Variants in BABAM2 observed in about 807,000 individuals in gnomAD.
The protein encoded by BABAM2 is BRISC and BRCA1-A complex member 2.
A neutral mutation model predicts 54.7 loss-of-function variants in BABAM2; 31 were observed. The observed-to-expected ratio is 0.57, with a 90% CI of 0.43 to 0.77. BABAM2 has a LOEUF of 0.77. Ranked by LOEUF, BABAM2 falls within the 30% of genes least tolerant of loss-of-function variation. The pLI is 0.00. For missense variants in BABAM2, 364 were observed against 455.8 expected (o/e 0.80, Z 1.83); for synonymous variants, 167 against 162.9 (o/e 1.03, Z -0.19).
intron 2 of BABAM2, among the ~76,000 whole-genome samples, chr2:27,912,261 A>G (rs997837508): frequency 1.3e-5 from 2 of 150,078 alleles, no homozygotes; most frequent in Non-Finnish European, 3.0e-5. Context: ...TTTTTTTTCC[A>G]TTATTAAAGT....
intron 7 of BABAM2, among the ~76,000 whole-genome samples, chr2:28,219,814 T>A (rs1417634904): frequency 1.3e-5 from 2 of 152,210 alleles, no homozygotes; most frequent in Non-Finnish European, 2.9e-5. Flanking sequence ...TGAAGGTTGC[T>A]TGAGCCGCTG....
intron 7 of BABAM2, among the ~76,000 whole-genome samples, chr2:28,197,525 G>C (rs1214280136): frequency 1.3e-5 from 2 of 152,144 alleles, no homozygotes; most frequent in African/African-American, 2.4e-5. Context: ...CAATGATCTA[G>C]ATGTCCTACC....
At chr2:28,047,992 T>C (rs899657099) in intron 6 of BABAM2, among the ~76,000 whole-genome samples, 3 of 152,222 alleles carry the variant, frequency 2.0e-5, no homozygotes, top group Non-Finnish European at 4.4e-5. Context: ...TAGGAGCTGC[T>C]TTACATATTA....
At chr2:28,265,917 G>GT (rs761454782) in intron 10 of BABAM2, among the ~76,000 whole-genome samples, 1 of 151,888 alleles carries the variant, frequency 6.6e-6, no homozygotes, top group South Asian at 2.1e-4. Context: ...ACTTGTGTTA[G>GT]TTTTTTTAAT....
At chr2:28,181,851 T>G (rs1009251131) in intron 7 of BABAM2, among the ~76,000 whole-genome samples, 3 of 148,178 alleles carry the variant, frequency 2.0e-5, no homozygotes, top group Non-Finnish European at 4.5e-5. Flanking sequence ...GGGGTGGGAG[T>G]GCAGGATGAG....
rs763471828 is a variant in BABAM2, at chr2:28,025,335, G to A, written c.410G>A (p.Arg137His). 1.2e-6 allele frequency: 2 copies of A among 1,612,842 alleles called. No individual in the cohort carries two copies. The highest frequency in any genetic ancestry group is 1.7e-6 in the Non-Finnish European group (2 of 1,179,734). The change falls in exon 5 of 12, where the codon CGC becomes CAC. Residue 137 changes from arginine (R) to histidine (H), a missense_variant. Coordinates refer to ENST00000379624, the MANE Select transcript of BABAM2 (RefSeq NM_199191.3). ...TGTAGCCGCCTCCGGGAGAGCTCCC[G>A]CCTCATGTTTGAATACCAGACATTA... ...FQCSRLRESS[R>H]LMFEYQTLLE...
intron 6 of BABAM2, among the ~76,000 whole-genome samples, chr2:28,086,738 A>G (rs1379383267): frequency 2.0e-5 from 3 of 152,228 alleles, no homozygotes; most frequent in Admixed American, 6.5e-5. Context: ...CTTCAAGTTA[A>G]TAATTTCAAA....
intron 7 of BABAM2, among the ~76,000 whole-genome samples, chr2:28,167,707 AATAAATAAAT>A (rs1673859661): frequency 6.7e-6 from 1 of 150,086 alleles, no homozygotes; most frequent in Non-Finnish European, 1.5e-5. Flanking sequence ...AAAATAAATA[AATAAATAAAT>A]AAATAAATAA....
At chr2:28,222,501 G>A (rs939083088) in intron 7 of BABAM2, among the ~76,000 whole-genome samples, 1 of 152,188 alleles carries the variant, frequency 6.6e-6, no homozygotes, top group Non-Finnish European at 1.5e-5. Context: ...ACCTTCACAT[G>A]CTGCAGGGGC....
chr2:27,963,481 A>G (rs1670620575), intron 3 of BABAM2, among the ~76,000 whole-genome samples: 2 of 151,292 alleles, frequency 1.3e-5, no homozygotes, highest in South Asian at 4.2e-4. Flanking sequence ...AAAAAAAAAA[A>G]AAAAAAAAAA....
intron 5 of BABAM2, among the ~76,000 whole-genome samples, chr2:28,035,902 G>A (rs1676625336): frequency 6.6e-6 from 1 of 152,288 alleles, no homozygotes; most frequent in East Asian, 1.9e-4. Flanking sequence ...AGAGGTATCA[G>A]TAGGAAATTC....
intron 3 of BABAM2, among the ~76,000 whole-genome samples, chr2:27,971,705 T>C (rs890652877): frequency 1.3e-5 from 2 of 152,048 alleles, no homozygotes; most frequent in African/African-American, 4.8e-5. Context: ...TTTTTTTTTT[T>C]CAATGTTTTA....
intron 3 of BABAM2, among the ~76,000 whole-genome samples, chr2:27,949,968 A>G (rs1669583390): frequency 6.6e-6 from 1 of 152,138 alleles, no homozygotes; most frequent in Non-Finnish European, 1.5e-5. Context: ...CACCTTTTTC[A>G]GGACTGTACA....
intron 7 of BABAM2, among the ~76,000 whole-genome samples, chr2:28,211,386 CTTTTTTT>C (rs770284745): frequency 2.1e-5 from 2 of 96,892 alleles, no homozygotes; most frequent in Admixed American, 1.5e-4. Context: ...TCCTTATTAT[CTTTTTTT>C]TTTTTTTTTT....
intron 4 of BABAM2, among the ~76,000 whole-genome samples, chr2:27,990,524 T>C (rs1672707043): frequency 6.6e-6 from 1 of 152,118 alleles, no homozygotes; most frequent in Non-Finnish European, 1.5e-5. Context: ...GAAAACAGAA[T>C]GCCTAGATTT....
chr2:27,975,406 A>G (rs1327548179), intron 3 of BABAM2, among the ~76,000 whole-genome samples: 1 of 152,166 alleles, frequency 6.6e-6, no homozygotes. Context: ...ATAGAACAAA[A>G]TAGTCCAATA....
chr2:28,091,511 C>A (rs1305164757), intron 6 of BABAM2, among the ~76,000 whole-genome samples: 2 of 152,068 alleles, frequency 1.3e-5, no homozygotes, highest in Non-Finnish European at 2.9e-5. Flanking sequence ...TTTAAAATAC[C>A]AAAGATGTTA....
chr2:27,960,705 A>G (rs1379835907), intron 3 of BABAM2, among the ~76,000 whole-genome samples: 1 of 152,246 alleles, frequency 6.6e-6, no homozygotes, highest in African/African-American at 2.4e-5. Context: ...CATATAAGAC[A>G]GGACCACAGA....
chr2:28,237,741 T>C (rs1906887), intron 8 of BABAM2, among the ~76,000 whole-genome samples: 149,113 of 152,344 alleles, frequency 0.98, 73,062 homozygotes, highest in Middle Eastern at 1. Flanking sequence ...TCCCTCTCTG[T>C]GTTTCTGTAC....
Sources: allele counts gnomAD v4.1 joint callset (sites outside exome capture counted in the v4.1 genomes callset), GRCh38; gene constraint gnomAD v4.1.1; transcripts MANE v1.5; gene names NCBI Gene and HGNC (gene_info 2026-07-23, HGNC 2026-07-21).